The following LCP2 variants were observed in gnomAD, a reference collection of about 807,000 sequenced individuals.
The protein encoded by LCP2 is lymphocyte cytosolic protein 2.
Under a neutral mutation model 74.5 loss-of-function variants are expected in LCP2, and 29 were observed. The observed-to-expected ratio is 0.39, with a 90% CI of 0.29 to 0.53. The LOEUF is 0.53. LCP2 is among the 20% of genes least tolerant of loss of function. The pLI, the probability that LCP2 is intolerant of heterozygous loss-of-function variation, is 0.72. For synonymous variants in LCP2, 228 were observed against 229.5 expected (o/e 0.99, Z 0.06); for missense variants, 604 against 634.6 (o/e 0.95, Z 0.52).
chr5:170,262,552 C>A (rs966663596), intron 13 of LCP2, 83 bp downstream of exon 13: 1 of 1,008,458 alleles, frequency 9.9e-7, no homozygotes, highest in African/African-American at 1.6e-5. Flanking sequence ...CGAGGAGCCT[C>A]GGTTCCCACT....
chr5:170,248,601 A>T lies in LCP2; in HGVS notation c.*96T>A, dbSNP rs2113141647. Reference sequence around the variant, plus strand: ...CCCTTGTGTTCATGGGGAGGGGTTCAGTTCAGTCCTAAGTGTTTGTCCATT... The same window carrying T: ...CCCTTGTGTTCATGGGGAGGGGTTCTGTTCAGTCCTAAGTGTTTGTCCATT... On this transcript the variant is annotated 3_prime_UTR_variant, in exon 21 of 21. Coordinates refer to ENST00000046794, the MANE Select transcript of LCP2 (RefSeq NM_005565.5). 1 of 1,324,838 alleles carries T rather than the reference A, an allele frequency of 7.5e-7. No homozygotes were observed. The highest frequency in any genetic ancestry group is 2.4e-5 in the East Asian group (1 of 41,816). The allele number at this position is 1,324,838 out of a possible 1,614,324, so 82.1% of individuals were successfully genotyped here.
At chr5:170,286,378 T>C (rs1245294623) in intron 3 of LCP2, among the ~76,000 whole-genome samples, 1 of 152,236 alleles carries the variant, frequency 6.6e-6, no homozygotes, top group African/African-American at 2.4e-5. Context: ...AAATTTAACA[T>C]ACCTGCAGTC....
Position 170,287,951 on chromosome 5 carries a change from G to C in LCP2, c.188+19C>G. 1 of 1,611,068 alleles carries C rather than the reference G, an allele frequency of 6.2e-7. No homozygotes were observed. Among genetic ancestry groups the C allele is most frequent in the South Asian group, 1.1e-5 (1 of 91,028 alleles). ...CACCTCTGCTCCCAGATCACCCATA[G>C]AGTTGGAGGAGTACTTACGGCACCC... On this transcript the variant is annotated intron_variant, in intron 3 of 20. Coordinates refer to ENST00000046794, the MANE Select transcript of LCP2 (RefSeq NM_005565.5).
Position 170,250,739 on chromosome 5 carries a change from T to G in LCP2, c.1470A>C (p.Arg490=), listed in dbSNP as rs1761418921. ...AATTTGAAATCCTTACCTCTTTCCC[T>G]CGGAGTCCAGTTCCCAACAAGTAAA... ...SQVYLLGTGL[R]GKEDFLSVSD... is the part of the protein sequence containing the mutation. Residue 490 remains arginine, a synonymous_variant, in exon 20 of 21, where the codon CGA becomes CGC. Coordinates refer to ENST00000046794, the MANE Select transcript of LCP2 (RefSeq NM_005565.5). 3.7e-6 allele frequency: 6 copies of G among 1,613,046 alleles called. 1 individual carries two copies. In the Admixed American group the frequency reaches 1.0e-4, roughly 27 times the overall value.
intron 1 of LCP2, among the ~76,000 whole-genome samples, chr5:170,295,870 G>A (rs959347379): frequency 1.3e-5 from 2 of 152,052 alleles, no homozygotes; most frequent in Non-Finnish European, 2.9e-5. Context: ...TTTGTCCTGG[G>A]GTCTGAGATC....
intron 1 of LCP2, among the ~76,000 whole-genome samples, chr5:170,294,220 G>C (rs1270141238): frequency 1.3e-5 from 2 of 152,164 alleles, no homozygotes; most frequent in Non-Finnish European, 2.9e-5. Flanking sequence ...TGAAAATGCA[G>C]CTTCATTTGT....
At chr5:170,296,853 T>A (rs1762396216) in intron 1 of LCP2, among the ~76,000 whole-genome samples, 1 of 152,166 alleles carries the variant, frequency 6.6e-6, no homozygotes, top group South Asian at 2.1e-4. Flanking sequence ...GGGGCTCACA[T>A]CAGTTTTCTG....
chr5:170,265,481 A>T (rs1232684213), intron 10 of LCP2, among the ~76,000 whole-genome samples: 1 of 152,236 alleles, frequency 6.6e-6, no homozygotes, highest in Non-Finnish European at 1.5e-5. Context: ...TTAAAAGAAT[A>T]ACTTTTGTGT....
intron 6 of LCP2, among the ~76,000 whole-genome samples, chr5:170,272,669 A>G (rs12519398): frequency 0.22 from 27,435 of 127,418 alleles, 3,715 homozygotes; most frequent in Admixed American, 0.4. Flanking sequence ...GAGTAGTGCA[A>G]TGGTGCAATC....
intron 19 of LCP2, 31 bp downstream of exon 19, chr5:170,252,403 A>T: frequency 1.6e-6 from 2 of 1,260,958 alleles, no homozygotes; most frequent in Non-Finnish European, 2.3e-6. Context: ...TAATATTTAC[A>T]ACTATGTTAA....
At chr5:170,268,008 T>C (rs937986320) in intron 8 of LCP2, among the ~76,000 whole-genome samples, 36 of 152,130 alleles carry the variant, frequency 2.4e-4, no homozygotes, top group Admixed American at 2.2e-3. Flanking sequence ...TCTCCTCCGG[T>C]CTGAAGGCTC....
intron 20 of LCP2, among the ~76,000 whole-genome samples, chr5:170,249,037 A>G (rs1173158740): frequency 6.6e-6 from 1 of 152,224 alleles, no homozygotes; most frequent in Admixed American, 6.5e-5. Context: ...AAGATAAAAT[A>G]TGGGCCGGGT....
chr5:170,297,461 TC>T, intron 1 of LCP2, 72 bp downstream of exon 1: 2 of 1,352,056 alleles, frequency 1.5e-6, no homozygotes, highest in Non-Finnish European at 2.1e-6. Flanking sequence ...CTGCCCCAAT[TC>T]CATCGTCAAG....
At chr5:170,249,247 C>A (rs1761369783) in intron 20 of LCP2, among the ~76,000 whole-genome samples, 1 of 151,776 alleles carries the variant, frequency 6.6e-6, no homozygotes, top group South Asian at 2.1e-4. Context: ...ATTGCTTGAA[C>A]CTGGGAGGCA....
intron 2 of LCP2, among the ~76,000 whole-genome samples, chr5:170,288,806 A>G (rs1474121637): frequency 1.3e-5 from 2 of 152,172 alleles, no homozygotes; most frequent in African/African-American, 4.8e-5. Flanking sequence ...CCATCCTACC[A>G]CGTCTGATCC....
intron 1 of LCP2, among the ~76,000 whole-genome samples, chr5:170,296,286 T>C (rs1003788760): frequency 7.2e-5 from 11 of 152,102 alleles, no homozygotes; most frequent in Non-Finnish European, 1.0e-4. Context: ...ATAACAGAAA[T>C]GAAAGCACAA....
At chr5:170,258,254 A>G (rs1249799011) in intron 15 of LCP2, 88 bp from the exon 16 acceptor site, 61 of 1,393,718 alleles carry the variant, frequency 4.4e-5, no homozygotes, top group Non-Finnish European at 6.0e-5. Flanking sequence ...AGTTAGAAAC[A>G]GCTAGTATAA....
In LCP2 at chr5:170,256,446, G is replaced by A. The variant is rs1581058576; in HGVS notation, c.1150+80C>T. On this transcript the variant is annotated intron_variant, in intron 17 of 20. Coordinates refer to ENST00000046794, the MANE Select transcript of LCP2 (RefSeq NM_005565.5). The surrounding 1 kb of genome is among the most constrained non-coding windows in gnomAD (Gnocchi z 4.5). Reference sequence around the variant, plus strand: ...TTTAGGAAACAATAAAACCTTTGTCGAAAGCTTTTGGGACAGGTTAGGGAT... The same window carrying A: ...TTTAGGAAACAATAAAACCTTTGTCAAAAGCTTTTGGGACAGGTTAGGGAT... 1.8e-5 allele frequency: 20 copies of A among 1,133,806 alleles called. No homozygotes were observed. The highest frequency in any genetic ancestry group is 5.3e-5 in the Admixed American group (3 of 56,772). The allele number at this position is 1,133,806 out of a possible 1,614,324, so 70.2% of individuals were successfully genotyped here. A position where few individuals can be genotyped will look rare whatever the true frequency, so the allele number is the denominator to read the frequency against.
intron 2 of LCP2, among the ~76,000 whole-genome samples, chr5:170,290,779 C>T (rs1004727653): frequency 1.3e-5 from 2 of 152,156 alleles, no homozygotes; most frequent in Non-Finnish European, 2.9e-5. Context: ...CAGGTTTCTG[C>T]AACATGGGGT....
Sources: allele counts gnomAD v4.1 joint callset (sites outside exome capture counted in the v4.1 genomes callset), GRCh38; gene constraint gnomAD v4.1.1; non-coding constraint Gnocchi (gnomAD v3.1); transcripts MANE v1.5; gene names NCBI Gene and HGNC (gene_info 2026-07-23, HGNC 2026-07-21).